Variants in HS2ST1 observed in about 807,000 individuals in gnomAD.
HS2ST1 encodes 2-O-sulfotransferase.
Under a neutral mutation model 42.9 loss-of-function variants are expected in HS2ST1, and 18 were observed. The ratio of observed to expected loss-of-function variants is 0.42; its 90% confidence interval spans 0.29 to 0.62. The LOEUF is 0.62. Among genes scored for constraint, HS2ST1 ranks in the 20% least tolerant of loss-of-function variants. The probability of loss-of-function intolerance (pLI) is 0.21; values close to 1 mark genes in which losing one functional copy is unlikely to be tolerated. For synonymous variants in HS2ST1, 146 were observed against 152.9 expected (o/e 0.95, Z 0.33); for missense variants, 334 against 433.8 (o/e 0.77, Z 2.04).
At chr1:86,990,836 A>ATAT (rs1289652447) in intron 1 of HS2ST1, among the ~76,000 whole-genome samples, 3 of 44,232 alleles carry the variant, frequency 6.8e-5, no homozygotes, top group African/African-American at 2.4e-4. Flanking sequence ...ATATATATAT[A>ATAT]TTTTTTTTTT....
intron 1 of HS2ST1, among the ~76,000 whole-genome samples, chr1:86,989,735 A>G (rs1648889057): frequency 6.6e-6 from 1 of 152,198 alleles, no homozygotes. Context: ...CCTAGCCCCC[A>G]GCAGGCCCCA....
At chr1:86,984,013 C>T (rs543069681) in intron 1 of HS2ST1, among the ~76,000 whole-genome samples, 21 of 149,806 alleles carry the variant, frequency 1.4e-4, no homozygotes, top group African/African-American at 3.4e-4. Context: ...GAACTCTAGC[C>T]TGGGTGACAG....
At chr1:86,968,038 G>T (rs530359791) in intron 1 of HS2ST1, among the ~76,000 whole-genome samples, 161 of 152,286 alleles carry the variant, frequency 1.1e-3, no homozygotes, top group African/African-American at 3.7e-3. Context: ...GCATTTCCCT[G>T]ATGATTAGTG....
intron 1 of HS2ST1, among the ~76,000 whole-genome samples, chr1:87,024,327 C>T (rs1425859465): frequency 6.6e-6 from 1 of 151,786 alleles, no homozygotes. Context: ...ATGGTGAAAC[C>T]CCCGTCTCTA....
intron 5 of HS2ST1, among the ~76,000 whole-genome samples, chr1:87,102,039 A>G (rs1237499429): frequency 1.3e-5 from 2 of 151,960 alleles, no homozygotes; most frequent in Non-Finnish European, 1.5e-5. Context: ...AAGGGGGAGG[A>G]CCCAGTCGTT....
At chr1:86,967,324 G>T (rs548044211) in intron 1 of HS2ST1, among the ~76,000 whole-genome samples, 1 of 152,022 alleles carries the variant, frequency 6.6e-6, no homozygotes, top group Non-Finnish European at 1.5e-5. Flanking sequence ...AGAGCTTTTG[G>T]GGTACAGGTG....
At chr1:87,064,367 T>TA in intron 1 of HS2ST1, 2 of 423,256 alleles carry the variant, frequency 4.7e-6, no homozygotes, top group Middle Eastern at 9.5e-4. Flanking sequence ...TTTAGAGTCT[T>TA]ACATTTGTTT....
rs1223052845 is a variant in HS2ST1 at position 86,914,644 on chromosome 1, G to T, written c.-393G>T. ...CGGGGATGAGGGCGGCGCAGCCGCAGCGCCGGTGGAGGGGCGCGCGGCCGC... is the reference window on the plus strand; with the variant it reads ...CGGGGATGAGGGCGGCGCAGCCGCATCGCCGGTGGAGGGGCGCGCGGCCGC... On this transcript the variant is annotated 5_prime_UTR_variant, in exon 1 of 7. Coordinates refer to ENST00000370550, the MANE Select transcript of HS2ST1 (RefSeq NM_012262.4). 6 of 212,708 alleles carry T rather than the reference G, an allele frequency of 2.8e-5. No individual in the cohort carries two copies. In the Admixed American group the frequency reaches 3.3e-4, roughly 12 times the overall value. The allele number at this position is 212,708 out of a possible 1,614,324, so 13.2% of individuals were successfully genotyped here.
At chr1:86,919,861 G>A (rs1375446929) in intron 1 of HS2ST1, among the ~76,000 whole-genome samples, 4 of 152,144 alleles carry the variant, frequency 2.6e-5, no homozygotes, top group African/African-American at 7.2e-5. Context: ...TTCAAATGAA[G>A]TTAATACTTC....
At chr1:86,963,876 C>CG (rs1037938091) in intron 1 of HS2ST1, among the ~76,000 whole-genome samples, 1 of 147,592 alleles carries the variant, frequency 6.8e-6, no homozygotes, top group Non-Finnish European at 1.5e-5. Flanking sequence ...GCTGGCCGGG[C>CG]GGGGCGGCTG....
intron 1 of HS2ST1, among the ~76,000 whole-genome samples, chr1:87,059,960 G>T (rs1216971890): frequency 6.6e-6 from 1 of 152,110 alleles, no homozygotes; most frequent in Admixed American, 6.5e-5. Flanking sequence ...ACCTACTTCA[G>T]ACCTTACAAT....
intron 1 of HS2ST1, 133 bp from the exon 2 acceptor site, chr1:87,072,801 A>G (rs964522001): frequency 1.5e-6 from 1 of 656,118 alleles, no homozygotes; most frequent in East Asian, 2.7e-5. Flanking sequence ...CATGTTTTCC[A>G]TATCCCTTGG....
At position 87,104,910 on chromosome 1, in the gene HS2ST1, T is replaced by C. The variant is rs1570550967; in HGVS notation, c.*214T>C. On this transcript the variant is annotated 3_prime_UTR_variant, in exon 7 of 7. Transcript: ENST00000370550. Reference sequence around the variant, plus strand: ...CATTTTTATTTTTCCTGGCTAAACGTTGGTGAAAGTTATAACCTCCTGCCT... The same window carrying C: ...CATTTTTATTTTTCCTGGCTAAACGCTGGTGAAAGTTATAACCTCCTGCCT... 2 of 484,344 alleles carry C rather than the reference T, an allele frequency of 4.1e-6. No individual in the cohort carries two copies. The highest frequency in any genetic ancestry group is 2.0e-5 in the African/African-American group (1 of 51,246). 30.0% of individuals were successfully genotyped at this position (484,344 alleles called of 1,614,324 possible).
chr1:86,968,181 T>C (rs1648116785), intron 1 of HS2ST1, among the ~76,000 whole-genome samples: 1 of 152,224 alleles, frequency 6.6e-6, no homozygotes. Context: ...AGATTGTGGA[T>C]ACTAGTACTT....
Position 87,101,149 on chromosome 1 carries a change from GTTTTTTGTTTTTTTT to G in HS2ST1, c.687-2276_687-2262del, listed in dbSNP as rs1375763392. On this transcript the variant is annotated intron_variant, in intron 5 of 6. Coordinates refer to ENST00000370550, the MANE Select transcript of HS2ST1 (RefSeq NM_012262.4). Reference sequence around the variant, plus strand: ...TCATCACTTTTGTGTGTGTGTGTGTGTTTTTTGTTTTTTTTTTTTTTTTTTTTTTTTTTTTTGAGG... The same window carrying G: ...TCATCACTTTTGTGTGTGTGTGTGTGTTTTTTTTTTTTTTTTTTTTTGAGG... Among the ~76,000 whole-genome samples, 226 of 59,560 alleles carry G rather than the reference GTTTTTTGTTTTTTTT, an allele frequency of 3.8e-3. 5 individuals carry two copies. The highest frequency in any genetic ancestry group is 0.013 in the African/African-American group (195 of 15,286). The allele number at this position is 59,560 out of a possible 152,430, so 39.1% of individuals were successfully genotyped here.
intron 1 of HS2ST1, among the ~76,000 whole-genome samples, chr1:86,985,411 C>T (rs1648737150): frequency 2.0e-5 from 1 of 50,488 alleles, no homozygotes; most frequent in Admixed American, 3.1e-4. Flanking sequence ...TATATATACA[C>T]ATATATATAC....
chr1:87,039,387 A>G (rs1650466279), intron 1 of HS2ST1, among the ~76,000 whole-genome samples: 1 of 152,122 alleles, frequency 6.6e-6, no homozygotes, highest in Non-Finnish European at 1.5e-5. Flanking sequence ...TTGCTTCCTG[A>G]TGTGCCTCTG....
intron 1 of HS2ST1, among the ~76,000 whole-genome samples, chr1:86,916,702 G>T (rs1660164650): frequency 1.3e-5 from 2 of 151,932 alleles, no homozygotes; most frequent in Non-Finnish European, 2.9e-5. Context: ...TTTTCTTTTG[G>T]ATCCATTTAG....
At chr1:86,915,638 G>A (rs1394666061) in intron 1 of HS2ST1, among the ~76,000 whole-genome samples, 1 of 152,196 alleles carries the variant, frequency 6.6e-6, no homozygotes, top group Non-Finnish European at 1.5e-5. Context: ...GCGCAGAAAT[G>A]GGAGGAGATG....
Sources: allele counts gnomAD v4.1 joint callset (sites outside exome capture counted in the v4.1 genomes callset), GRCh38; gene constraint gnomAD v4.1.1; transcripts MANE v1.5; gene names NCBI Gene and HGNC (gene_info 2026-07-23, HGNC 2026-07-21).